The following PRELID2 variants were observed in gnomAD, a reference collection of about 807,000 sequenced individuals.
PRELID2 encodes the protein PRELI domain-containing protein 2.
A neutral mutation model predicts 28.4 loss-of-function variants in PRELID2; 25 were observed. The observed-to-expected ratio is 0.88, with a 90% CI of 0.64 to 1.23. The LOEUF (loss-of-function observed/expected upper bound fraction) is 1.23, where lower values mean the gene tolerates loss of function less well. Among genes scored for constraint, PRELID2 ranks in the 50% most tolerant of loss-of-function variants. The pLI, the probability that PRELID2 is intolerant of heterozygous loss-of-function variation, is 0.00. For missense variants in PRELID2, 201 were observed against 214.4 expected, an observed-to-expected ratio of 0.94 and a Z score of 0.39; for synonymous variants, 76 against 71.6, an observed-to-expected ratio of 1.06 and a Z score of -0.31.
intron 1 of PRELID2, among the ~76,000 whole-genome samples, chr5:145,574,768 G>A (rs138609788): frequency 2.3e-4 from 35 of 152,166 alleles, no homozygotes; most frequent in African/African-American, 6.5e-4. Context: ...TGTCACATTC[G>A]CATATAACCT....
chr5:145,504,809 C>A (rs1451839577), intron 1 of PRELID2, among the ~76,000 whole-genome samples: 1 of 152,180 alleles, frequency 6.6e-6, no homozygotes, highest in Non-Finnish European at 1.5e-5. Context: ...TATAACTTAT[C>A]TAATTATATT....
At chr5:145,508,434 A>T (rs992724127) in intron 1 of PRELID2, among the ~76,000 whole-genome samples, 1 of 152,154 alleles carries the variant, frequency 6.6e-6, no homozygotes, top group African/African-American at 2.4e-5. Context: ...TGTTTAATGG[A>T]GGTAAAAAAG....
At chr5:145,242,270 C>T in the PRELID2 span, among the ~76,000 whole-genome samples, 1 of 151,926 alleles carries the variant, frequency 6.6e-6, no homozygotes. Context: ...AAGGTTAGAA[C>T]TTCCAACTGA....
chr5:145,446,074 T>A, the PRELID2 span, among the ~76,000 whole-genome samples: 2 of 152,026 alleles, frequency 1.3e-5, no homozygotes, highest in South Asian at 2.1e-4. Flanking sequence ...CAAAGTGGGA[T>A]GACTATAGTT....
At chr5:145,403,382 A>C in the PRELID2 span, among the ~76,000 whole-genome samples, 1 of 152,192 alleles carries the variant, frequency 6.6e-6, no homozygotes, top group African/African-American at 2.4e-5. Context: ...CTTATTAAAA[A>C]TAATTAAAAA....
chr5:145,436,748 G>C, the PRELID2 span, among the ~76,000 whole-genome samples: 10 of 152,112 alleles, frequency 6.6e-5, no homozygotes, highest in Non-Finnish European at 8.8e-5. Context: ...AAGGCATAGA[G>C]GCTGGCTCAC....
At chr5:145,320,920 T>A in the PRELID2 span, among the ~76,000 whole-genome samples, 1 of 152,254 alleles carries the variant, frequency 6.6e-6, no homozygotes, top group Non-Finnish European at 1.5e-5. Context: ...GAGCATTTTC[T>A]ATATGCTCAG....
intron 4 of PRELID2, among the ~76,000 whole-genome samples, chr5:145,801,217 T>G (rs1753119394): frequency 6.6e-6 from 1 of 152,216 alleles, no homozygotes; most frequent in Non-Finnish European, 1.5e-5. Flanking sequence ...ATAAAGCATT[T>G]TATAAATGGC....
chr5:145,750,796 G>A (rs754157273), intron 1 of PRELID2, among the ~76,000 whole-genome samples: 1 of 152,156 alleles, frequency 6.6e-6, no homozygotes, highest in Non-Finnish European at 1.5e-5. Flanking sequence ...AATGGTAAGA[G>A]CATCACTAAA....
At chr5:145,680,067 T>C (rs1283496627) in intron 1 of PRELID2, among the ~76,000 whole-genome samples, 2 of 152,092 alleles carry the variant, frequency 1.3e-5, no homozygotes, top group Admixed American at 1.3e-4. Flanking sequence ...GCAATATTGG[T>C]TTAAATTTTA....
chr5:145,470,497 A>T (rs895025342), downstream of PRELID2, among the ~76,000 whole-genome samples: 2 of 152,126 alleles, frequency 1.3e-5, no homozygotes, highest in African/African-American at 4.8e-5. Context: ...TAACAAAATG[A>T]TGATGAGATG....
At chr5:145,337,658 C>G in the PRELID2 span, among the ~76,000 whole-genome samples, 1 of 138,904 alleles carries the variant, frequency 7.2e-6, no homozygotes, top group Non-Finnish European at 1.5e-5. Context: ...TACAGATGAA[C>G]AGCCACAGGA....
chr5:145,733,082 CAAAAAAA>C (rs556645506), intron 1 of PRELID2, among the ~76,000 whole-genome samples: 1 of 78,110 alleles, frequency 1.3e-5, no homozygotes, highest in Non-Finnish European at 2.7e-5. Context: ...CCTGTCTCTA[CAAAAAAA>C]AAAAAAAGAA....
At chr5:145,597,643 T>C (rs887190693) in intron 1 of PRELID2, among the ~76,000 whole-genome samples, 3 of 152,140 alleles carry the variant, frequency 2.0e-5, no homozygotes, top group Non-Finnish European at 4.4e-5. Flanking sequence ...AACATACTGA[T>C]ATGGCATTCT....
intron 5 of PRELID2, among the ~76,000 whole-genome samples, chr5:145,787,929 A>G (rs1260771746): frequency 6.6e-6 from 1 of 152,220 alleles, no homozygotes; most frequent in Non-Finnish European, 1.5e-5. Flanking sequence ...CATGGTGAAA[A>G]GAGCAATTAG....
intron 1 of PRELID2, among the ~76,000 whole-genome samples, chr5:145,823,727 C>T (rs998978023): frequency 6.6e-6 from 1 of 152,150 alleles, no homozygotes; most frequent in Non-Finnish European, 1.5e-5. Flanking sequence ...TAGAAGTATG[C>T]TTTGCTAGGC....
chr5:145,392,869 C>A, the PRELID2 span, among the ~76,000 whole-genome samples: 1 of 152,164 alleles, frequency 6.6e-6, no homozygotes, highest in Admixed American at 6.5e-5. Context: ...TCTAATGCAG[C>A]CAATGGCATG....
In PRELID2 at chr5:145,636,384, A is replaced by G. The variant is rs577876458; in HGVS notation, n.70+128547T>C. 3.9e-5 allele frequency among the ~76,000 whole-genome samples: 6 copies of G among 152,332 alleles called. No individual in the cohort carries two copies. In the South Asian group the frequency reaches 1.2e-3, roughly 32 times the overall value. The stretch of plus-strand genomic sequence containing the variant: ...ACAAGCATTATCCAAGCTTGTATCT[A>G]AAGAGTGTGCTCAGAATTGCTCTCT... On this transcript the variant is annotated intron_variant and non_coding_transcript_variant, in intron 1 of 2. Coordinates refer to the PRELID2 transcript ENST00000510259.
intron 1 of PRELID2, among the ~76,000 whole-genome samples, chr5:145,564,175 A>G (rs1282238356): frequency 6.6e-6 from 1 of 152,220 alleles, no homozygotes; most frequent in East Asian, 1.9e-4. Flanking sequence ...ACTTTGGTGT[A>G]CCTGCCTCTG....
Sources: gnomAD v4.1 joint callset for allele counts (sites outside exome capture counted in the v4.1 genomes callset) on GRCh38, gnomAD v4.1.1 for gene constraint, MANE v1.5 for transcripts, NCBI Gene and HGNC (gene_info 2026-07-23, HGNC 2026-07-21) for gene names.